The following CASP1 variants were observed in gnomAD, a reference collection of about 807,000 sequenced individuals.
CASP1 encodes the protein caspase-1.
A neutral mutation model predicts 41.2 loss-of-function variants in CASP1; 31 were observed. That is an observed-to-expected ratio of 0.75 (90% CI 0.57 to 1.02). The LOEUF is 1.02. CASP1 is among the 50% of genes least tolerant of loss of function. CASP1 has a pLI of 0.00. For synonymous variants in CASP1, 163 were observed against 166.5 expected, an observed-to-expected ratio of 0.98 and a Z score of 0.16; for missense variants, 490 against 495.7, an observed-to-expected ratio of 0.99 and a Z score of 0.11.
At chr11:105,036,618 G>C (rs1307377641), upstream of CASP1, among the ~76,000 whole-genome samples, 2 of 152,088 alleles carry the variant, frequency 1.3e-5, no homozygotes, top group Non-Finnish European at 2.9e-5. Context: ...CATGTAAGAC[G>C]TGTCCTTGCT....
At chr11:105,035,616 C>CTTTTTTTTTTTTTTTTTTTTTT (rs770202897), upstream of CASP1, among the ~76,000 whole-genome samples, 39 of 52,046 alleles carry the variant, frequency 7.5e-4, no homozygotes, top group South Asian at 3.7e-3. Flanking sequence ...TTTTTTCTTT[C>CTTTTTTTTTTTTTTTTTTTTTT]TGTTTTTTTT....
At position 105,034,477 on chromosome 11, in the gene CASP1, G is replaced by T. The variant is rs1204900957; in HGVS notation, c.8-3C>A. On this transcript the variant is annotated splice_polypyrimidine_tract_variant and splice_region_variant and intron_variant, in intron 1 of 8. Transcript: ENST00000533400. ...TCTCTTCTCCTTCAGGACCTTGTCT[G>T]TTTAGAGCACAAGGATTTCTCACAT... is the stretch of plus-strand genomic sequence containing the variant. 4 of 1,613,688 alleles carry T rather than the reference G, an allele frequency of 2.5e-6. No individual in the cohort carries two copies. The East Asian group carries it at 8.9e-5, about 36-fold the overall frequency.
At chr11:105,029,540 T>G (rs1863538786) in intron 6 of CASP1, 125 bp downstream of exon 6, 1 of 693,212 alleles carries the variant, frequency 1.4e-6, no homozygotes, top group Non-Finnish European at 2.5e-6. Context: ...GCTGCATTCT[T>G]GAATACTGAC....
chr11:105,031,111 C>T (rs1447097025), intron 4 of CASP1, 54 bp downstream of exon 4: 2 of 1,000,340 alleles, frequency 2.0e-6, no homozygotes, highest in East Asian at 2.4e-5. Context: ...CATTTCAGAA[C>T]TGCCTGAAGT....
chr11:105,035,274 G>C (rs917502646), upstream of CASP1: 8 of 988,318 alleles, frequency 8.1e-6, no homozygotes, highest in Non-Finnish European at 1.2e-5. Context: ...GCCTGCATCA[G>C]GTAGTGTATC....
At chr11:105,030,901 A>C (rs2134838022) in intron 4 of CASP1, 1 of 395,622 alleles carries the variant, frequency 2.5e-6, no homozygotes, top group East Asian at 4.6e-5. Context: ...ATCATGTGCA[A>C]AATGCTTAGA....
chr11:105,035,251 A>G (rs1442839335), upstream of CASP1: 6 of 1,201,914 alleles, frequency 5.0e-6, no homozygotes, highest in East Asian at 2.3e-5. Context: ...CCCATTAAAG[A>G]ATCAGAACTG....
chr11:105,035,618 G>GTTTTTTTTTTTTTTTTTT (rs56746743), upstream of CASP1, among the ~76,000 whole-genome samples: 237 of 103,406 alleles, frequency 2.3e-3, 6 homozygotes, highest in East Asian at 5.4e-3. Context: ...TTTTCTTTCT[G>GTTTTTTTTTTTTTTTTTT]TTTTTTTTTT....
At chr11:105,035,900 G>A (rs1237236720), upstream of CASP1, among the ~76,000 whole-genome samples, 1 of 152,090 alleles carries the variant, frequency 6.6e-6, no homozygotes, top group Non-Finnish European at 1.5e-5. Context: ...ACAGGCATGA[G>A]CCACCCACCC....
chr11:105,028,915 A>G (rs1863489854), intron 7 of CASP1, among the ~76,000 whole-genome samples: 3 of 152,200 alleles, frequency 2.0e-5, no homozygotes, highest in Non-Finnish European at 2.9e-5. Context: ...TCAAAGTTCC[A>G]AAAATATTTT....
chr11:105,026,878 A>G lies in CASP1; in HGVS notation c.1080T>C (p.Tyr360=), dbSNP rs1591190889. The change falls in exon 8 of 9, where the codon TAT becomes TAC. Residue 360 remains tyrosine (Y), a synonymous_variant. Transcript: ENST00000533400. ...TTTCCTCCACATCACAGGAACAGGC[A>G]TATTCTTGCATATGTTCAATGAGTC... is the stretch of plus-strand genomic sequence containing the variant. ...IGRLIEHMQE[Y]ACSCDVEEIF... 1.9e-6 allele frequency: 3 copies of G among 1,610,096 alleles called. No individual in the cohort carries two copies.
rs772341424 is a variant in CASP1 at position 105,034,449 on chromosome 11, C to A, written c.33G>T (p.Lys11Asn). 1 of 1,614,102 alleles carries A rather than the reference C, an allele frequency of 6.2e-7. No individual in the cohort carries two copies. The highest frequency in any genetic ancestry group is 8.5e-7 in the Non-Finnish European group (1 of 1,179,966). MADKVLKEKR[K>N]LFIRSMGEGT... ...CTTCACCCATGGAACGGATAAACAGCTTTCTCTTCTCCTTCAGGACCTTGT... is the reference window on the plus strand; with the variant it reads ...CTTCACCCATGGAACGGATAAACAGATTTCTCTTCTCCTTCAGGACCTTGT... Residue 11 changes from lysine (K) to asparagine (N), a missense_variant, in exon 2 of 9, where the codon AAG becomes AAT. Transcript: ENST00000533400.
At position 105,026,054 on chromosome 11, in the gene CASP1, C is replaced by T. The variant is rs553331016; in HGVS notation, c.*204G>A. ...CTATAATTTGAAATGTTTCAATAAA[C>T]ATTTCCTTTGAATATCATGTGGGCG... On this transcript the variant is annotated 3_prime_UTR_variant, in exon 9 of 9. Transcript: ENST00000533400. 2 of 438,996 alleles carry T rather than the reference C, an allele frequency of 4.6e-6. No individual in the cohort carries two copies. The highest frequency in any genetic ancestry group is 8.1e-6 in the Non-Finnish European group (2 of 246,234). 27.2% of individuals were successfully genotyped at this position (438,996 alleles called of 1,614,324 possible).
At chr11:105,030,032 T>C (rs61890848) in intron 5 of CASP1, 133 bp from the exon 6 acceptor site, 8 of 719,406 alleles carry the variant, frequency 1.1e-5, no homozygotes, top group Non-Finnish European at 1.8e-5. Context: ...AAAAAAAATT[T>C]AGTCTTAGTT....
At position 105,030,732 on chromosome 11, in the gene CASP1, AT is replaced by A. The variant is rs1164581563; in HGVS notation, c.454-230del. 6.4e-6 allele frequency: 3 copies of A among 466,796 alleles called. No homozygotes were observed. In the Admixed American group the frequency reaches 1.2e-4, roughly 18 times the overall value. 28.9% of individuals were successfully genotyped at this position (466,796 alleles called of 1,614,324 possible). A position where few individuals can be genotyped will look rare whatever the true frequency, so the allele number is the denominator to read the frequency against. Reference sequence around the variant, plus strand: ...GACTTCGTTGTTCTTGATAGGTAGGATTTTGAAAGATGCACAAGCTTTGAAG... The same window carrying A: ...GACTTCGTTGTTCTTGATAGGTAGGATTTGAAAGATGCACAAGCTTTGAAG... On this transcript the variant is annotated intron_variant, in intron 4 of 8. Transcript: ENST00000533400.
chr11:105,034,443 A>G lies in CASP1; in HGVS notation c.39T>C (p.Phe13=), dbSNP rs913651267. Residue 13 remains phenylalanine (F), a synonymous_variant, in exon 2 of 9, where the codon TTT becomes TTC. Transcript: ENST00000533400. ...TTGTACCTTCACCCATGGAACGGAT[A>G]AACAGCTTTCTCTTCTCCTTCAGGA... The part of the protein sequence containing the change: ...DKVLKEKRKL[F]IRSMGEGTIN... The G allele has an allele frequency of 6.2e-7, 1 of 1,614,162 alleles. No homozygotes were observed. The highest frequency in any genetic ancestry group is 8.5e-7 in the Non-Finnish European group (1 of 1,179,988).
In CASP1 at chr11:105,029,863, G is replaced by A. The variant is rs778152581; in HGVS notation, c.664C>T (p.Pro222Ser). ...GTGCTGTCAGAGGTCTTGTGCTCTG[G>A]GCGGTGTGCAAATGCCTCCAGCTCT... ...TTELEAFAHR[P>S]EHKTSDSTFL... The change falls in exon 6 of 9, where the codon CCA (proline) becomes TCA (serine). Residue 222 changes from proline (P) to serine (S), a missense_variant. Physicochemically the swap from Pro to Ser is moderately conservative, Grantham distance 74. Transcript: ENST00000533400. The A allele has an allele frequency of 6.2e-7, 1 of 1,613,562 alleles. No individual in the cohort carries two copies. Among genetic ancestry groups the A allele is most frequent in the Non-Finnish European group, 8.5e-7 (1 of 1,179,732 alleles).
chr11:105,032,162 CAGTT>C (rs1173913139), intron 3 of CASP1, among the ~76,000 whole-genome samples: 3 of 152,062 alleles, frequency 2.0e-5, no homozygotes, highest in Admixed American at 1.3e-4. Flanking sequence ...GTTATACAAT[CAGTT>C]AGATAAACAA....
chr11:105,031,015 G>C, intron 4 of CASP1, 150 bp downstream of exon 4: 1 of 592,628 alleles, frequency 1.7e-6, no homozygotes, highest in Middle Eastern at 2.7e-4. Flanking sequence ...TGGGATTCTA[G>C]GATATAGAAA....
Sources: gnomAD v4.1 joint callset for allele counts (sites outside exome capture counted in the v4.1 genomes callset) on GRCh38, gnomAD v4.1.1 for gene constraint, MANE v1.5 for transcripts, NCBI Gene and HGNC (gene_info 2026-07-23, HGNC 2026-07-21) for gene names.